Variants in ARHGAP29 observed in about 807,000 individuals in gnomAD.
The protein encoded by ARHGAP29 is Rho GTPase activating protein 29.
In ARHGAP29, 43 loss-of-function variants were observed where a neutral mutation model predicts 122.6. The ratio of observed to expected loss-of-function variants is 0.35; its 90% CI spans 0.27 to 0.45. ARHGAP29 has a LOEUF of 0.45. Ranked by LOEUF, ARHGAP29 falls within the 20% of genes least tolerant of loss-of-function variation. The pLI, the probability that ARHGAP29 is intolerant of heterozygous loss-of-function variation, is 1.00. For synonymous variants in ARHGAP29, 506 were observed against 497.1 expected (o/e 1.02, Z -0.24); for missense variants, 1,303 against 1,477.2 (o/e 0.88, Z 1.93).
rs972584520 is a variant in ARHGAP29 at position 94,177,545 on chromosome 1, T to G, written c.2905+67A>C. On this transcript the variant is annotated intron_variant, in intron 22 of 22. Transcript: ENST00000260526. ...TCCCTCATTGCCCCTCACCTTGGTT[T>G]TAATCACGGTTCTACTGGTAAAATT... is the stretch of plus-strand genomic sequence containing the variant. The G allele has an allele frequency of 1.3e-5, 17 of 1,282,916 alleles. No homozygotes were observed. The Admixed American group carries it at 1.3e-4, about 10-fold the overall frequency. The allele number at this position is 1,282,916 out of a possible 1,614,324, so 79.5% of individuals were successfully genotyped here. A position where few individuals can be genotyped will look rare whatever the true frequency, so the allele number is the denominator to read the frequency against.
intron 7 of ARHGAP29, among the ~76,000 whole-genome samples, chr1:94,204,453 T>C (rs1471707067): frequency 6.6e-6 from 1 of 152,236 alleles, no homozygotes; most frequent in Non-Finnish European, 1.5e-5. Context: ...CTGATTAGCA[T>C]TCTCTATTAT....
At chr1:94,314,367 A>G in the ARHGAP29 span, among the ~76,000 whole-genome samples, 294 of 152,316 alleles carry the variant, frequency 1.9e-3, 2 homozygotes, top group Middle Eastern at 3.4e-3. Flanking sequence ...CATCAGGGAC[A>G]TGAATAAGTA....
At position 94,237,499 on chromosome 1, in the gene ARHGAP29, C is replaced by T; in HGVS notation, c.-117G>A. ...CACCGCCGAGGGCTGGAGCTCGCTGCCCCCATCCCCCACGGCCTGCGGACG... is the reference window on the plus strand; with the variant it reads ...CACCGCCGAGGGCTGGAGCTCGCTGTCCCCATCCCCCACGGCCTGCGGACG... On this transcript the variant is annotated 5_prime_UTR_variant, in exon 1 of 23. Transcript: ENST00000260526. The T allele has an allele frequency of 1.0e-6, 1 of 989,542 alleles. No homozygotes were observed. Among genetic ancestry groups the T allele is most frequent in the Non-Finnish European group, 1.2e-6 (1 of 832,744 alleles). The allele number at this position is 989,542 out of a possible 1,614,324, so 61.3% of individuals were successfully genotyped here.
chr1:94,290,908 G>A, the ARHGAP29 span, among the ~76,000 whole-genome samples: 1 of 152,144 alleles, frequency 6.6e-6, no homozygotes, highest in Non-Finnish European at 1.5e-5. Context: ...GCTGATTTGG[G>A]GTGGAGAGTT....
chr1:94,179,576 G>A, intron 20 of ARHGAP29, 149 bp downstream of exon 20: 1 of 533,970 alleles, frequency 1.9e-6, no homozygotes, highest in Non-Finnish European at 3.0e-6. Context: ...CTGGGTGACA[G>A]AGCGAGACTC....
At chr1:94,287,199 T>C in the ARHGAP29 span, among the ~76,000 whole-genome samples, 2 of 152,202 alleles carry the variant, frequency 1.3e-5, no homozygotes, top group Non-Finnish European at 2.9e-5. Flanking sequence ...TTACAAAGAA[T>C]ACTGATATGG....
intron 17 of ARHGAP29, 28 bp downstream of exon 17, chr1:94,185,314 G>C (rs773306249): frequency 7.8e-6 from 12 of 1,543,224 alleles, no homozygotes; most frequent in Non-Finnish European, 1.0e-5. Context: ...AGCATAAAAG[G>C]GTCAACACAA....
At chr1:94,244,723 A>T (rs1653725816) in intron 1 of ARHGAP29, among the ~76,000 whole-genome samples, 1 of 152,162 alleles carries the variant, frequency 6.6e-6, no homozygotes, top group Non-Finnish European at 1.5e-5. Flanking sequence ...ATACAAAGTT[A>T]ATACACTATA....
In ARHGAP29 at chr1:94,173,605, TA is replaced by T; in HGVS notation, c.*263del. 5.7e-6 allele frequency: 2 copies of T among 348,966 alleles called. No homozygotes were observed. Among genetic ancestry groups the T allele is most frequent in the Non-Finnish European group, 1.0e-5 (2 of 193,124 alleles). The allele number at this position is 348,966 out of a possible 1,614,324, so 21.6% of individuals were successfully genotyped here. ...TTGGTGGGGAAAGTCAACTGAACTT[TA>T]AAAAATACGAATCCACCTATCTTAT... On this transcript the variant is annotated 3_prime_UTR_variant, in exon 23 of 23. Coordinates refer to ENST00000260526, the MANE Select transcript of ARHGAP29 (RefSeq NM_004815.4).
chr1:94,184,106 G>T, intron 19 of ARHGAP29, 45 bp downstream of exon 19: 1 of 1,576,348 alleles, frequency 6.3e-7, no homozygotes, highest in African/African-American at 1.4e-5. Context: ...TCATATTTTT[G>T]CTGTTTTTAA....
At chr1:94,197,503 C>G (rs1260408071) in intron 12 of ARHGAP29, among the ~76,000 whole-genome samples, 2 of 152,078 alleles carry the variant, frequency 1.3e-5, no homozygotes, top group African/African-American at 2.4e-5. Context: ...AAGCACTTTC[C>G]AATTCATTTT....
At position 94,177,897 on chromosome 1, in the gene ARHGAP29, T is replaced by G. The variant is rs1374316799; in HGVS notation, c.2751A>C (p.Arg917Ser). The G allele has an allele frequency of 6.2e-7, 1 of 1,613,990 alleles. No homozygotes were observed. Among genetic ancestry groups the G allele is most frequent in the Admixed American group, 1.7e-5 (1 of 60,022 alleles). The change falls in exon 21 of 23, where the codon AGA becomes AGC. Residue 917 changes from arginine (R) to serine (S), a missense_variant. This residue lies in a region of ARHGAP29 where 620 missense variants were observed against 651.2 expected (regional missense o/e 0.95). Transcript: ENST00000260526. ...GTGACTTCATGGAACGTTCAATGTC[T>G]CTTTCTTCTGGTGATAACAGAGGCT... is the stretch of plus-strand genomic sequence containing the variant. The part of the protein sequence containing the change: ...FPKPLLSPEE[R>S]DIERSMKSLF...
chr1:94,201,080 A>G (rs1475181647), intron 12 of ARHGAP29, among the ~76,000 whole-genome samples: 1 of 152,174 alleles, frequency 6.6e-6, no homozygotes, highest in Non-Finnish European at 1.5e-5. Flanking sequence ...TCAGGACAGA[A>G]TGCTTTGTCT....
the ARHGAP29 span, among the ~76,000 whole-genome samples, chr1:94,282,746 G>A: frequency 6.6e-6 from 1 of 152,108 alleles, no homozygotes; most frequent in Admixed American, 6.6e-5. Flanking sequence ...ATGATGAGAG[G>A]GGAAGCCTGG....
the ARHGAP29 span, among the ~76,000 whole-genome samples, chr1:94,282,514 G>A: frequency 1.1e-4 from 16 of 152,096 alleles, no homozygotes; most frequent in East Asian, 5.8e-4. Context: ...GGCCTCAAGC[G>A]ATCCTCCCAT....
At chr1:94,175,799 G>C (rs1649057063) in intron 22 of ARHGAP29, among the ~76,000 whole-genome samples, 1 of 152,102 alleles carries the variant, frequency 6.6e-6, no homozygotes, top group African/African-American at 2.4e-5. Flanking sequence ...CTGCCTCCTG[G>C]GTTCAGGTGA....
chr1:94,189,449 C>T lies in ARHGAP29; in HGVS notation c.1440-97G>A, dbSNP rs1165777796. On this transcript the variant is annotated intron_variant, in intron 13 of 22. Coordinates refer to ENST00000260526, the MANE Select transcript of ARHGAP29 (RefSeq NM_004815.4). ...TGTTTAGAAAAATCTATTAATTTAA[C>T]AATCATAGAAGAATTAAACTAAATA... 10 of 1,338,724 alleles carry T rather than the reference C, an allele frequency of 7.5e-6. No homozygotes were observed. In the East Asian group the frequency reaches 2.3e-4, roughly 31 times the overall value. The allele number at this position is 1,338,724 out of a possible 1,614,324, so 82.9% of individuals were successfully genotyped here. A position where few individuals can be genotyped will look rare whatever the true frequency, so the allele number is the denominator to read the frequency against.
intron 12 of ARHGAP29, chr1:94,195,787 T>C (rs1214353154): frequency 6.6e-6 from 1 of 151,838 alleles, no homozygotes; most frequent in African/African-American, 2.4e-5. Flanking sequence ...TTAAATATGA[T>C]AAAATTAAAA....
Position 94,185,042 on chromosome 1 carries a change from G to A in ARHGAP29, c.1939C>T (p.Arg647Ter). ...ECEECLLVCH[R>*]KCLENLVIIC... ...ATGACTAAATTTTCCAAACACTTTC[G>A]ATGACAAACAAGGAGACACTACAAG... The change falls in exon 18 of 23, where the codon CGA becomes TGA. Residue 647 changes from arginine (R) to a stop codon, truncating the protein, a stop_gained. Coordinates refer to ENST00000260526, the MANE Select transcript of ARHGAP29 (RefSeq NM_004815.4). LOFTEE classifies it high-confidence loss of function. The A allele has an allele frequency of 2.5e-6, 4 of 1,611,292 alleles. No homozygotes were observed. Among genetic ancestry groups the A allele is most frequent in the Admixed American group, 1.7e-5 (1 of 59,560 alleles).
Sources: gnomAD v4.1 joint callset for allele counts (sites outside exome capture counted in the v4.1 genomes callset) on GRCh38, gnomAD v4.1.1 for gene constraint, gnomAD v4.1.1 regional missense constraint, MANE v1.5 for transcripts, NCBI Gene and HGNC (gene_info 2026-07-23, HGNC 2026-07-21) for gene names.